The following SPATS2L variants were observed in gnomAD, a reference collection of about 807,000 sequenced individuals.
SPATS2L encodes the protein SPATS2-like protein.
In SPATS2L, 30 loss-of-function variants were observed where a neutral mutation model predicts 59.6. That is an observed-to-expected ratio of 0.50 (90% CI 0.38 to 0.68). The LOEUF is 0.68. SPATS2L is among the 30% of genes least tolerant of loss of function. The probability of loss-of-function intolerance (pLI) is 0.00; values close to 1 mark genes in which losing one functional copy is unlikely to be tolerated. For missense variants in SPATS2L, 615 were observed against 700.0 expected, an observed-to-expected ratio of 0.88 and a Z score of 1.37; for synonymous variants, 252 against 263.5, an observed-to-expected ratio of 0.96 and a Z score of 0.42.
chr2:200,396,033 A>AAAT (rs1553520464), intron 3 of SPATS2L, among the ~76,000 whole-genome samples: 19 of 21,132 alleles, frequency 9.0e-4, no homozygotes, highest in East Asian at 6.0e-3. Flanking sequence ...AAAAAAAAAA[A>AAAT]ATATATATAT....
chr2:200,400,956 C>T (rs941499842), intron 3 of SPATS2L, among the ~76,000 whole-genome samples: 1 of 152,180 alleles, frequency 6.6e-6, no homozygotes, highest in African/African-American at 2.4e-5. Flanking sequence ...GTATCTTCCC[C>T]CATTAAAAGA....
chr2:200,406,418 A>G (rs1452273646), intron 3 of SPATS2L, among the ~76,000 whole-genome samples: 1 of 152,080 alleles, frequency 6.6e-6, no homozygotes, highest in Non-Finnish European at 1.5e-5. Flanking sequence ...TTAAAAAAAA[A>G]AAAAAAAAAG....
intron 2 of SPATS2L, among the ~76,000 whole-genome samples, chr2:200,368,748 A>G (rs950457923): frequency 6.6e-6 from 1 of 152,212 alleles, no homozygotes; most frequent in Non-Finnish European, 1.5e-5. Context: ...ATATAGTTCT[A>G]TAGCCGGAGA....
chr2:200,441,867 T>A (rs1324675208), intron 8 of SPATS2L, among the ~76,000 whole-genome samples: 1 of 152,180 alleles, frequency 6.6e-6, no homozygotes, highest in Non-Finnish European at 1.5e-5. Flanking sequence ...CTTTTCCTAT[T>A]CCAGGTCCTT....
At chr2:200,469,192 C>G (rs988512410) in intron 10 of SPATS2L, among the ~76,000 whole-genome samples, 1 of 152,332 alleles carries the variant, frequency 6.6e-6, no homozygotes, top group South Asian at 2.1e-4. Context: ...TTAAATAACT[C>G]TTTCCCCATT....
At chr2:200,403,909 A>G (rs1223457703) in intron 3 of SPATS2L, among the ~76,000 whole-genome samples, 1 of 152,030 alleles carries the variant, frequency 6.6e-6, no homozygotes, top group African/African-American at 2.4e-5. Context: ...CCCAAAGCGA[A>G]TTCTAAAACT....
intron 8 of SPATS2L, 121 bp downstream of exon 8, chr2:200,440,905 A>C: frequency 9.0e-7 from 1 of 1,116,256 alleles, no homozygotes; most frequent in Non-Finnish European, 1.3e-6. Flanking sequence ...ACTCTCCAGC[A>C]AATTTTGTTA....
intron 9 of SPATS2L, among the ~76,000 whole-genome samples, chr2:200,464,401 T>C (rs6435050): frequency 0.42 from 63,417 of 152,102 alleles, 13,923 homozygotes; most frequent in East Asian, 0.58. Flanking sequence ...TCAGAATTTA[T>C]TGGTGATCTT....
At chr2:200,306,009 A>T, upstream of SPATS2L, 1 of 985,014 alleles carries the variant, frequency 1.0e-6, no homozygotes, top group Non-Finnish European at 1.2e-6. Context: ...GCTGAAGCCC[A>T]CGATGCCCAT....
chr2:200,444,829 C>T (rs758771456), intron 8 of SPATS2L, among the ~76,000 whole-genome samples: 157 of 152,086 alleles, frequency 1.0e-3, no homozygotes, highest in Non-Finnish European at 1.4e-3. Flanking sequence ...CAGGCTAGGG[C>T]TCCTCACCTC....
chr2:200,334,453 G>C (rs1360873884), intron 2 of SPATS2L, among the ~76,000 whole-genome samples: 1 of 151,724 alleles, frequency 6.6e-6, no homozygotes, highest in Non-Finnish European at 1.5e-5. Flanking sequence ...CTCCCATTCT[G>C]TAGGTTGCCT....
intron 6 of SPATS2L, among the ~76,000 whole-genome samples, chr2:200,431,698 T>A (rs2083942285): frequency 6.6e-6 from 1 of 152,224 alleles, no homozygotes; most frequent in Non-Finnish European, 1.5e-5. Flanking sequence ...AAGCTTTCAC[T>A]AAAAAGTAAA....
intron 5 of SPATS2L, among the ~76,000 whole-genome samples, chr2:200,417,605 C>A (rs1173803095): frequency 6.6e-6 from 1 of 152,094 alleles, no homozygotes; most frequent in South Asian, 2.1e-4. Flanking sequence ...AAAATGGTCT[C>A]CCAGCCAAGT....
intron 3 of SPATS2L, among the ~76,000 whole-genome samples, chr2:200,401,223 C>G (rs2082516646): frequency 6.6e-6 from 1 of 152,102 alleles, no homozygotes; most frequent in South Asian, 2.1e-4. Context: ...CAGACACACC[C>G]CATCTGCAGC....
chr2:200,454,638 A>G (rs1224274516), intron 8 of SPATS2L, among the ~76,000 whole-genome samples: 1 of 152,222 alleles, frequency 6.6e-6, no homozygotes, highest in Non-Finnish European at 1.5e-5. Flanking sequence ...TGCTTTGATA[A>G]TAAAAGCTTT....
At chr2:200,453,652 G>T (rs563852983) in intron 8 of SPATS2L, among the ~76,000 whole-genome samples, 96 of 152,314 alleles carry the variant, frequency 6.3e-4, no homozygotes, top group Non-Finnish European at 3.1e-4. Context: ...AGGCCCACGT[G>T]GTGGTCAGTG....
chr2:200,327,746 T>G (rs1403834330), intron 1 of SPATS2L, among the ~76,000 whole-genome samples: 1 of 152,202 alleles, frequency 6.6e-6, no homozygotes, highest in Non-Finnish European at 1.5e-5. Flanking sequence ...ATTATTACCC[T>G]CCAAGGAGTT....
At position 200,306,721 on chromosome 2, in the gene SPATS2L, G is replaced by C. The variant is rs1411298799; in HGVS notation, c.-274G>C. The C allele has an allele frequency of 4.1e-6, 4 of 976,942 alleles. No individual in the cohort carries two copies. Among genetic ancestry groups the C allele is most frequent in the Non-Finnish European group, 4.8e-6 (4 of 826,928 alleles). 60.5% of individuals were successfully genotyped at this position (976,942 alleles called of 1,614,324 possible). A position where few individuals can be genotyped will look rare whatever the true frequency, so the allele number is the denominator to read the frequency against. Reference sequence around the variant, plus strand: ...TGTGTCAGTGAAGGAATCCAGTCCGGGGGCCGAGCTGGCTGCGCCCTCCGC... The same window carrying C: ...TGTGTCAGTGAAGGAATCCAGTCCGCGGGCCGAGCTGGCTGCGCCCTCCGC... On this transcript the variant is annotated 5_prime_UTR_variant, in exon 1 of 13. Coordinates refer to ENST00000409140, the MANE Select transcript of SPATS2L (RefSeq NM_001100423.2).
Position 200,479,639 on chromosome 2 carries a change from G to A in SPATS2L, c.*1608G>A, listed in dbSNP as rs191021377. On this transcript the variant is annotated 3_prime_UTR_variant, in exon 13 of 13. Coordinates refer to ENST00000409140, the MANE Select transcript of SPATS2L (RefSeq NM_001100423.2). ...TTTGACTACAGGGCAGTCCAGTTTGGGTGCCGCTTCCGTTGCACTCACATG... is the reference window on the plus strand; with the variant it reads ...TTTGACTACAGGGCAGTCCAGTTTGAGTGCCGCTTCCGTTGCACTCACATG... 1.2e-3 allele frequency: 486 copies of A among 398,574 alleles called. No homozygotes were observed. The highest frequency in any genetic ancestry group is 1.8e-3 in the Non-Finnish European group (418 of 226,064). The allele number at this position is 398,574 out of a possible 1,614,324, so 24.7% of individuals were successfully genotyped here. A position where few individuals can be genotyped will look rare whatever the true frequency, so the allele number is the denominator to read the frequency against.
Sources: allele counts gnomAD v4.1 joint callset (sites outside exome capture counted in the v4.1 genomes callset), GRCh38; gene constraint gnomAD v4.1.1; transcripts MANE v1.5; gene names NCBI Gene and HGNC (gene_info 2026-07-23, HGNC 2026-07-21).